The following KCNAB1 variants were observed in gnomAD, a reference collection of about 807,000 sequenced individuals.
KCNAB1 encodes potassium voltage-gated channel subfamily A regulatory beta subunit 1.
In KCNAB1, 35 loss-of-function variants were observed where a neutral mutation model predicts 64.6. That is an observed-to-expected ratio of 0.54 (90% CI 0.41 to 0.72). KCNAB1 has a LOEUF of 0.72. KCNAB1 is among the 30% of genes least tolerant of loss of function. The probability of loss-of-function intolerance (pLI) is 0.00; values close to 1 mark genes in which losing one functional copy is unlikely to be tolerated. For missense variants in KCNAB1, 401 were observed against 512.9 expected, an observed-to-expected ratio of 0.78 and a Z score of 2.11; for synonymous variants, 177 against 183.8, an observed-to-expected ratio of 0.96 and a Z score of 0.30.
At chr3:156,515,889 G>A (rs949713036) in intron 10 of KCNAB1, among the ~76,000 whole-genome samples, 16 of 152,050 alleles carry the variant, frequency 1.1e-4, no homozygotes, top group African/African-American at 2.9e-4. Context: ...AATAACAACC[G>A]TAATAATTGT....
At chr3:156,283,928 A>C (rs1256352062) in intron 1 of KCNAB1, among the ~76,000 whole-genome samples, 5 of 150,850 alleles carry the variant, frequency 3.3e-5, no homozygotes, top group Non-Finnish European at 7.4e-5. Flanking sequence ...CCCGTAGCTC[A>C]GAGTAATTTG....
Position 156,516,357 on chromosome 3 carries a change from C to T in KCNAB1, c.953C>T (p.Ser318Leu). The change falls in exon 11 of 14, where the codon TCA becomes TTA. Residue 318 changes from serine (S) to leucine (L), a missense_variant. Transcript: ENST00000490337. Reference protein sequence around the residue: ...GNGVPESSRASLKCYQWLKER... With the variant: ...GNGVPESSRALLKCYQWLKER... Reference sequence around the variant, plus strand: ...GGGGTGCCTGAAAGTTCCAGGGCTTCACTGAAGGTATTTTTCTCAATGTCT... The same window carrying T: ...GGGGTGCCTGAAAGTTCCAGGGCTTTACTGAAGGTATTTTTCTCAATGTCT... 1 of 1,609,368 alleles carries T rather than the reference C, an allele frequency of 6.2e-7. No homozygotes were observed. The highest frequency in any genetic ancestry group is 8.5e-7 in the Non-Finnish European group (1 of 1,175,630).
intron 1 of KCNAB1, among the ~76,000 whole-genome samples, chr3:156,266,076 G>T (rs1369397197): frequency 3.9e-5 from 6 of 152,076 alleles, no homozygotes; most frequent in African/African-American, 1.4e-4. Context: ...ACCTCCCCTT[G>T]GAATTTAGTG....
At chr3:156,392,566 A>G (rs1431699344) in intron 1 of KCNAB1, among the ~76,000 whole-genome samples, 4 of 152,204 alleles carry the variant, frequency 2.6e-5, no homozygotes, top group Non-Finnish European at 4.4e-5. Context: ...CTTGTTCCCA[A>G]TCTCAAAGAG....
At position 156,458,356 on chromosome 3, in the gene KCNAB1, G is replaced by A. The variant is rs575123466; in HGVS notation, c.437+824G>A. ...CTCCCTGGCCTCCTACTGGGAACAT[G>A]GATGTCCAGCTCTCAGAACCAAGGA... On this transcript the variant is annotated intron_variant, in intron 4 of 13. Transcript: ENST00000490337. Among the ~76,000 whole-genome samples the A allele has an allele frequency of 1.2e-4, 19 of 152,352 alleles. No individual in the cohort carries two copies. In the East Asian group the frequency reaches 3.5e-3, roughly 28 times the overall value.
At chr3:156,354,541 T>C (rs896052426) in intron 1 of KCNAB1, among the ~76,000 whole-genome samples, 13 of 152,022 alleles carry the variant, frequency 8.6e-5, no homozygotes. Flanking sequence ...ACCCTTTCTT[T>C]AAGATGCCAT....
At chr3:156,210,468 G>A (rs1714942970) in intron 1 of KCNAB1, among the ~76,000 whole-genome samples, 1 of 152,140 alleles carries the variant, frequency 6.6e-6, no homozygotes, top group South Asian at 2.1e-4. Context: ...GCAGATAGAG[G>A]TTATTTCCTC....
chr3:156,132,361 A>G (rs1177117404), intron 1 of KCNAB1, among the ~76,000 whole-genome samples: 3 of 152,192 alleles, frequency 2.0e-5, no homozygotes, highest in Non-Finnish European at 4.4e-5. Flanking sequence ...CTGGCAGTGG[A>G]ACACTGATAA....
At chr3:156,435,525 G>T (rs932156436) in intron 2 of KCNAB1, among the ~76,000 whole-genome samples, 1 of 152,154 alleles carries the variant, frequency 6.6e-6, no homozygotes, top group African/African-American at 2.4e-5. Flanking sequence ...GTTTTTGTCA[G>T]GCAGGTGCAA....
At chr3:156,463,220 G>A (rs942648893) in intron 5 of KCNAB1, among the ~76,000 whole-genome samples, 1 of 152,198 alleles carries the variant, frequency 6.6e-6, no homozygotes. Context: ...TTCCTTGGCA[G>A]AGTGGAGTCC....
chr3:156,496,087 G>A (rs574042338), intron 8 of KCNAB1, among the ~76,000 whole-genome samples: 155 of 152,236 alleles, frequency 1.0e-3, no homozygotes, highest in Non-Finnish European at 1.6e-3. Context: ...TGTAAGAGGT[G>A]GGTTTGGGAG....
At chr3:156,143,569 G>GTTGTTTTTTTTTTTTTTTTTT (rs1443482013) in intron 1 of KCNAB1, 2 of 281,598 alleles carry the variant, frequency 7.1e-6, no homozygotes, top group African/African-American at 5.9e-5. Context: ...TTGCATTCTT[G>GTTGTTTTTTTTTTTTTTTTTT]TTTTTTTTTT....
intron 1 of KCNAB1, among the ~76,000 whole-genome samples, chr3:156,139,597 T>G (rs1294406058): frequency 3.4e-5 from 5 of 146,760 alleles, no homozygotes; most frequent in African/African-American, 1.0e-4. Flanking sequence ...TTTTTTTTTT[T>G]TTTTTTTTTT....
chr3:156,296,470 C>T (rs966852110), intron 1 of KCNAB1, among the ~76,000 whole-genome samples: 2 of 147,940 alleles, frequency 1.4e-5, no homozygotes, highest in African/African-American at 4.9e-5. Context: ...CTCCCCCCCC[C>T]CCCACCTTTT....
intron 1 of KCNAB1, chr3:156,292,124 T>C: frequency 6.2e-7 from 1 of 1,613,820 alleles, no homozygotes; most frequent in African/African-American, 1.3e-5. Context: ...TGGCATGAAA[T>C]ATAGGTATGC....
intron 1 of KCNAB1, among the ~76,000 whole-genome samples, chr3:156,216,576 T>G (rs1715334299): frequency 6.6e-6 from 1 of 152,146 alleles, no homozygotes; most frequent in Admixed American, 6.5e-5. Flanking sequence ...TTGACAAAAC[T>G]GTTGTTAAGA....
chr3:156,170,122 T>G (rs1373508514), intron 1 of KCNAB1, among the ~76,000 whole-genome samples: 1 of 152,028 alleles, frequency 6.6e-6, no homozygotes, highest in East Asian at 1.9e-4. Flanking sequence ...GAATCTCTTC[T>G]CCAAATTGGG....
chr3:156,201,208 C>T (rs528946344), intron 1 of KCNAB1, among the ~76,000 whole-genome samples: 43 of 152,322 alleles, frequency 2.8e-4, no homozygotes, highest in Non-Finnish European at 4.9e-4. Flanking sequence ...AGAAATCACC[C>T]GCCTTCTGCA....
intron 1 of KCNAB1, among the ~76,000 whole-genome samples, chr3:156,296,861 A>G (rs1052888873): frequency 6.6e-6 from 1 of 152,224 alleles, no homozygotes; most frequent in South Asian, 2.1e-4. Context: ...GAAAAGAAGT[A>G]CAGGGAATTT....
Sources: allele counts gnomAD v4.1 joint callset (sites outside exome capture counted in the v4.1 genomes callset), GRCh38; gene constraint gnomAD v4.1.1; transcripts MANE v1.5; gene names NCBI Gene and HGNC (gene_info 2026-07-23, HGNC 2026-07-21).